Variants in XPC observed in about 807,000 individuals in gnomAD.
The protein encoded by XPC is XPC complex subunit, DNA damage recognition and repair factor, also known as DNA repair protein complementing XP-C cells.
In XPC, 76 loss-of-function variants were observed where a neutral mutation model predicts 95.8. The ratio of observed to expected loss-of-function variants is 0.79; its 90% CI spans 0.66 to 0.96. XPC has a LOEUF of 0.96. Ranked by LOEUF, XPC falls within the 40% of genes least tolerant of loss-of-function variation. The pLI, the probability that XPC is intolerant of heterozygous loss-of-function variation, is 0.00. For synonymous variants in XPC, 442 were observed against 442.1 expected (o/e 1.00, Z 0.00); for missense variants, 1,146 against 1,179.8 (o/e 0.97, Z 0.42).
intron 7 of XPC, among the ~76,000 whole-genome samples, chr3:14,161,648 T>A (rs1050142808): frequency 1.7e-4 from 24 of 138,336 alleles, no homozygotes; most frequent in Non-Finnish European, 2.7e-4. Context: ...AAAAAAAAAA[T>A]TCAGAACACT....
intron 14 of XPC, chr3:14,147,605 A>G (rs1695492849): frequency 1.6e-6 from 1 of 608,176 alleles, no homozygotes; most frequent in Admixed American, 3.1e-5. Context: ...ACTGACTCCA[A>G]AATCTTTAGT....
intron 1 of XPC, among the ~76,000 whole-genome samples, chr3:14,173,341 C>T (rs1222067982): frequency 6.6e-6 from 1 of 152,202 alleles, no homozygotes; most frequent in Non-Finnish European, 1.5e-5. Context: ...ACTTCCAGAT[C>T]TTAAATGTCA....
chr3:14,159,179 T>C (rs1345705753), intron 8 of XPC, among the ~76,000 whole-genome samples: 1 of 152,248 alleles, frequency 6.6e-6, no homozygotes, highest in East Asian at 1.9e-4. Context: ...GAATTCCAGT[T>C]CTAACTCTTA....
intron 10 of XPC, 87 bp from the exon 11 acceptor site, chr3:14,152,503 G>C: frequency 1.5e-6 from 2 of 1,325,818 alleles, no homozygotes; most frequent in Non-Finnish European, 2.1e-6. Context: ...AGCCCTGCAG[G>C]CTCCCTCCTC....
At chr3:14,156,246 G>T in intron 10 of XPC, 89 bp downstream of exon 10, 1 of 1,491,728 alleles carries the variant, frequency 6.7e-7, no homozygotes, top group East Asian at 2.3e-5. Flanking sequence ...AGTCAGATGA[G>T]CTCCCATCAG....
At position 14,164,801 on chromosome 3, in the gene XPC, AG is replaced by A; in HGVS notation, c.900+11del. 5.0e-6 allele frequency: 8 copies of A among 1,611,242 alleles called. No individual in the cohort carries two copies. Among genetic ancestry groups the A allele is most frequent in the Non-Finnish European group, 6.8e-6 (8 of 1,178,400 alleles). On this transcript the variant is annotated intron_variant, in intron 7 of 15. Transcript: ENST00000285021. ...TACTGATAAAAAACAGTGATCCGGG[AG>A]GATCACTTACATGGACCAATTCCTC...
At chr3:14,152,626 A>T (rs1348422766) in intron 10 of XPC, 5 of 510,742 alleles carry the variant, frequency 9.8e-6, no homozygotes. Flanking sequence ...TCCACTTACA[A>T]ACCCTAATCT....
In XPC at chr3:14,159,849, A is replaced by G; in HGVS notation, c.901-19T>C. ...AGAATATCTATGATGAAAAGGAAGAACATAGTTATCCTAAGAAAGTAATTA... is the reference window on the plus strand; with the variant it reads ...AGAATATCTATGATGAAAAGGAAGAGCATAGTTATCCTAAGAAAGTAATTA... On this transcript the variant is annotated intron_variant, in intron 7 of 15. Transcript: ENST00000285021. 6.5e-7 allele frequency: 1 copy of G among 1,545,100 alleles called. No individual in the cohort carries two copies. The highest frequency in any genetic ancestry group is 8.8e-7 in the Non-Finnish European group (1 of 1,140,872).
intron 10 of XPC, among the ~76,000 whole-genome samples, chr3:14,155,437 TAAC>T (rs1353599488): frequency 1.3e-5 from 2 of 152,164 alleles, no homozygotes; most frequent in Non-Finnish European, 2.9e-5. Context: ...AAAATTGTAT[TAAC>T]ATTTTTCAAT....
At chr3:14,147,505 C>T in intron 14 of XPC, 126 bp from the exon 15 acceptor site, 2 of 895,874 alleles carry the variant, frequency 2.2e-6, no homozygotes, top group Non-Finnish European at 3.4e-6. Flanking sequence ...CTCTCCTTCA[C>T]ACCAAGTCTC....
At position 14,158,260 on chromosome 3, in the gene XPC, C is replaced by T. The variant is rs774134832; in HGVS notation, c.1623G>A (p.Lys541=). 6.2e-7 allele frequency: 1 copy of T among 1,614,040 alleles called. No individual in the cohort carries two copies. Among genetic ancestry groups the T allele is most frequent in the South Asian group, 1.1e-5 (1 of 91,086 alleles). ...CGTGCACACAGTCTACACATACCCA[C>T]TTTTCCTCCTGCTCACAGAACACCT... ...WLEVFCEQEE[K]WVCVDCVHGV... Residue 541 remains lysine (K), a synonymous_variant, in exon 9 of 16, where the codon AAG becomes AAA. Coordinates refer to ENST00000285021, the MANE Select transcript of XPC (RefSeq NM_004628.5). The surrounding 1 kb of genome is among the most constrained non-coding windows in gnomAD (Gnocchi z 5.2).
Position 14,156,337 on chromosome 3 carries a change from G to A in XPC, c.2031C>T (p.Ser677=). Residue 677 remains serine (S), a splice_region_variant and synonymous_variant, in exon 10 of 16, where the codon TCC becomes TCT. Transcript: ENST00000285021. ...GCCAACCAGGCTGCCTCACGCACCT[G>A]GAGTAGACCGCTTCTCCACGACAAT... ...LGYCRGEAVY[S]RDCVHTLHSR... is the part of the protein sequence containing the mutation. The A allele has an allele frequency of 6.2e-7, 1 of 1,613,296 alleles. No individual in the cohort carries two copies. Among genetic ancestry groups the A allele is most frequent in the Non-Finnish European group, 8.5e-7 (1 of 1,179,544 alleles).
intron 11 of XPC, among the ~76,000 whole-genome samples, chr3:14,152,110 C>G (rs1355489357): frequency 1.3e-5 from 2 of 151,782 alleles, no homozygotes; most frequent in African/African-American, 4.8e-5. Context: ...GCCTAGATTT[C>G]TTTTGTGTTT....
At chr3:14,150,919 G>T (rs1458684256) in intron 11 of XPC, among the ~76,000 whole-genome samples, 1 of 152,196 alleles carries the variant, frequency 6.6e-6, no homozygotes, top group Non-Finnish European at 1.5e-5. Context: ...GTGCACCATG[G>T]GGAGGGTGCG....
intron 1 of XPC, 133 bp downstream of exon 1, chr3:14,178,333 G>T: frequency 4.7e-6 from 5 of 1,053,130 alleles, no homozygotes; most frequent in Non-Finnish European, 6.5e-6. Flanking sequence ...GCAGCCTGCC[G>T]GGCTGCCCCC....
At position 14,175,343 on chromosome 3, in the gene XPC, TTTTTC is replaced by T. The variant is rs1256149852; in HGVS notation, c.104-2286_104-2282del. The stretch of plus-strand genomic sequence containing the variant: ...CCCCAGCCCCATATAAGTTTGAGGG[TTTTTC>T]TTTTCATCTATAGAAGCATTTTCTG... On this transcript the variant is annotated intron_variant, in intron 1 of 15. Coordinates refer to ENST00000285021, the MANE Select transcript of XPC (RefSeq NM_004628.5). 3.3e-5 allele frequency among the ~76,000 whole-genome samples: 5 copies of T among 152,210 alleles called. No individual in the cohort carries two copies. In the East Asian group the frequency reaches 7.7e-4, roughly 23 times the overall value.
intron 5 of XPC, among the ~76,000 whole-genome samples, chr3:14,166,531 C>G (rs555775550): frequency 4.6e-5 from 7 of 150,790 alleles, no homozygotes; most frequent in African/African-American, 1.7e-4. Flanking sequence ...CCCCCCAACA[C>G]CTACATACTC....
rs2958057 is a variant in XPC, at chr3:14,156,487, A to T, written c.1881T>A (p.Ala627=). Residue 627 remains alanine, a synonymous_variant, in exon 10 of 16, where the codon GCT becomes GCA. Coordinates refer to ENST00000285021, the MANE Select transcript of XPC (RefSeq NM_004628.5). Reference sequence around the variant, plus strand: ...TGGGCAAAGGCTGGTCCATGTGTTTAGCCTGAAACTGCAAAGGCCAGACAG... The same window carrying T: ...TGGGCAAAGGCTGGTCCATGTGTTTTGCCTGAAACTGCAAAGGCCAGACAG... ...REKKEDLEFQ[A]KHMDQPLPTA... is the part of the protein sequence containing the mutation. 1,614,016 of 1,614,016 alleles carry T rather than the reference A, an allele frequency of 1. 807,008 individuals are homozygous for T. The highest frequency in any genetic ancestry group is 1 in the Non-Finnish European group (1,179,880 of 1,179,880).
chr3:14,153,313 C>A (rs1695772789), intron 10 of XPC: 1 of 152,214 alleles, frequency 6.6e-6, no homozygotes, highest in African/African-American at 2.4e-5. Context: ...TCCCCAAAGT[C>A]CAGTGGTTTG....
Sources: gnomAD v4.1 joint callset for allele counts (sites outside exome capture counted in the v4.1 genomes callset) on GRCh38, gnomAD v4.1.1 for gene constraint, Gnocchi (gnomAD v3.1) non-coding constraint, MANE v1.5 for transcripts, NCBI Gene and HGNC (gene_info 2026-07-23, HGNC 2026-07-21) for gene names.